Variants in SCNN1D observed in about 807,000 individuals in gnomAD.
The protein encoded by SCNN1D is epithelial sodium channel subunit delta.
Under a neutral mutation model 87.8 loss-of-function variants are expected in SCNN1D, and 104 were observed. The observed-to-expected ratio is 1.18, with a 90% confidence interval of 1.01 to 1.39. The LOEUF (loss-of-function observed/expected upper bound fraction) is 1.39, where lower values mean the gene tolerates loss of function less well. Ranked by LOEUF, SCNN1D falls within the 40% of genes most tolerant of loss-of-function variation. SCNN1D has a pLI of 0.00. For synonymous variants in SCNN1D, 628 were observed against 481.2 expected, an observed-to-expected ratio of 1.31 and a Z score of -3.99; for missense variants, 1,324 against 1,093.9, an observed-to-expected ratio of 1.21 and a Z score of -2.97.
At chr1:1,291,171 C>CGGG in intron 17 of SCNN1D, 31 bp downstream of exon 17, 1 of 1,603,214 alleles carries the variant, frequency 6.2e-7, no homozygotes, top group African/African-American at 1.3e-5. Context: ...TGGGCTAGAG[C>CGGG]GGGGGCAGCG....
rs765236595 is a variant in SCNN1D, at chr1:1,290,560, G to C, written c.1859+5G>C. The stretch of plus-strand genomic sequence containing the variant: ...CCGCTGCCCCAGGCCCTGCAGGTGA[G>C]ACGGGGGTGTTGGGGTCGCGGCCAG... On this transcript the variant is annotated splice_donor_5th_base_variant and intron_variant, in intron 14 of 17. Coordinates refer to ENST00000379116, the MANE Select transcript of SCNN1D (RefSeq NM_001130413.4). 1.9e-5 allele frequency: 30 copies of C among 1,612,504 alleles called. No individual in the cohort carries two copies. The highest frequency in any genetic ancestry group is 3.3e-4 in the Middle Eastern group (2 of 6,084).
In SCNN1D at chr1:1,287,852, C is replaced by T. The variant is rs958580205; in HGVS notation, c.1563+16C>T. 3.3e-6 allele frequency: 5 copies of T among 1,525,486 alleles called. No homozygotes were observed. The highest frequency in any genetic ancestry group is 2.7e-6 in the Non-Finnish European group (3 of 1,130,102). The allele number at this position is 1,525,486 out of a possible 1,614,324, so 94.5% of individuals were successfully genotyped here. On this transcript the variant is annotated intron_variant, in intron 11 of 17. Transcript: ENST00000379116. ...CATCCGAGAGGTGAGCTGGCCTCTG[C>T]AGCCAACCTCCGGCCCAGGCCTCCT... is the stretch of plus-strand genomic sequence containing the variant.
chr1:1,291,970 C>T lies in SCNN1D; in HGVS notation c.*360C>T. On this transcript the variant is annotated 3_prime_UTR_variant, in exon 18 of 18. Coordinates refer to ENST00000379116, the MANE Select transcript of SCNN1D (RefSeq NM_001130413.4). ...ACCTCAGCTGCAGGGAGGCAGAAGG[C>T]AAGGCAGGCCCCACGGACACACTTG... is the stretch of plus-strand genomic sequence containing the variant. 1 of 196,626 alleles carries T rather than the reference C, an allele frequency of 5.1e-6. No individual in the cohort carries two copies. Among genetic ancestry groups the T allele is most frequent in the Non-Finnish European group, 1.0e-5 (1 of 96,328 alleles). 12.2% of individuals were successfully genotyped at this position (196,626 alleles called of 1,614,324 possible).
At position 1,291,670 on chromosome 1, in the gene SCNN1D, A is replaced by C. The variant is rs1384737120; in HGVS notation, c.*60A>C. On this transcript the variant is annotated 3_prime_UTR_variant, in exon 18 of 18. Coordinates refer to ENST00000379116, the MANE Select transcript of SCNN1D (RefSeq NM_001130413.4). ...TGGTCCTTGCAGCTGTGGCAGCAGC[A>C]GGCTCCCCAGCGGCCCAGGGTGGGC... 37 of 1,342,672 alleles carry C rather than the reference A, an allele frequency of 2.8e-5. No homozygotes were observed. The highest frequency in any genetic ancestry group is 2.6e-5 in the Non-Finnish European group (26 of 997,466). 83.2% of individuals were successfully genotyped at this position (1,342,672 alleles called of 1,614,324 possible).
chr1:1,291,033 G>T (rs1640794586), intron 16 of SCNN1D, 32 bp from the exon 17 acceptor site: 1 of 1,606,610 alleles, frequency 6.2e-7, no homozygotes, highest in East Asian at 2.2e-5. Context: ...GAAGGTCTGG[G>T]CCAGCGCCCT....
chr1:1,286,293 T>A lies in SCNN1D; in HGVS notation c.911+15T>A. 1 of 1,548,398 alleles carries A rather than the reference T, an allele frequency of 6.5e-7. No individual in the cohort carries two copies. The highest frequency in any genetic ancestry group is 1.7e-4 in the Middle Eastern group (1 of 5,918). On this transcript the variant is annotated intron_variant, in intron 7 of 17. Transcript: ENST00000379116. ...AACCCACGTCGGTGAGGGCCAGGGC[T>A]GTCGGCGGGAGGGGTGGCCGCCCCA...
rs766384032 is a variant in SCNN1D at position 1,284,049 on chromosome 1, G to C, written c.423G>C (p.Thr141=). The change falls in exon 5 of 18, where the codon ACG becomes ACC. Residue 141 remains threonine (T), a synonymous_variant. Coordinates refer to ENST00000379116, the MANE Select transcript of SCNN1D (RefSeq NM_001130413.4). ...PPQWLSTEAW[T]GEWKQPHGGA... ...AATGGCTGAGCACCGAAGCATGGAC[G>C]GGAGAATGGAAGCAGCCACACGGGG... The C allele has an allele frequency of 4.5e-6, 6 of 1,340,024 alleles. No individual in the cohort carries two copies. Among genetic ancestry groups the C allele is most frequent in the South Asian group, 3.4e-5 (2 of 59,640 alleles). The allele number at this position is 1,340,024 out of a possible 1,614,324, so 83.0% of individuals were successfully genotyped here. A position where few individuals can be genotyped will look rare whatever the true frequency, so the allele number is the denominator to read the frequency against.
rs1466066682 is a variant in SCNN1D, at chr1:1,285,656, C to G, written c.550C>G (p.Gln184Glu). The G allele has an allele frequency of 1.3e-6, 2 of 1,544,244 alleles. No homozygotes were observed. The highest frequency in any genetic ancestry group is 2.4e-5 in the East Asian group (1 of 40,858). ...RPTQHNAACK[Q>E]GQAAAQTPPR... ...CACTCAGCACAACGCTGCCTGCAAACAGGGCCAGGTAGGGCCTGAGCACCC... is the reference window on the plus strand; with the variant it reads ...CACTCAGCACAACGCTGCCTGCAAAGAGGGCCAGGTAGGGCCTGAGCACCC... Residue 184 changes from glutamine (Q) to glutamate (E), a missense_variant, in exon 6 of 18, where the codon CAG becomes GAG. Physicochemically the swap from Gln to Glu is conservative, Grantham distance 29. Transcript: ENST00000379116.
At position 1,291,913 on chromosome 1, in the gene SCNN1D, G is replaced by T; in HGVS notation, c.*303G>T. On this transcript the variant is annotated 3_prime_UTR_variant, in exon 18 of 18. Coordinates refer to ENST00000379116, the MANE Select transcript of SCNN1D (RefSeq NM_001130413.4). ...TCTGTGTCTGCATGTCCACACGTCT[G>T]ATGCACCTGTGTACGTGTGTCAAGC... The T allele has an allele frequency of 6.7e-6, 2 of 297,566 alleles. No individual in the cohort carries two copies. Among genetic ancestry groups the T allele is most frequent in the South Asian group, 1.2e-4 (1 of 8,452 alleles). 18.4% of individuals were successfully genotyped at this position (297,566 alleles called of 1,614,324 possible).
intron 12 of SCNN1D, among the ~76,000 whole-genome samples, 143 bp from the exon 13 acceptor site, chr1:1,290,113 TGTCTCTGCTCCGTCC>T (rs1640740962): frequency 7.7e-6 from 1 of 129,998 alleles, no homozygotes. Context: ...CTCCGTCCCG[TGTCTCTGCTCCGTCC>T]CCCGTGTCTC....
chr1:1,290,193 TGCTCCGTCCCGTGTCTCTGCCCCGTCCCC>T, intron 12 of SCNN1D, 49 bp from the exon 13 acceptor site: 1 of 950,116 alleles, frequency 1.1e-6, no homozygotes, highest in Non-Finnish European at 1.6e-6. Flanking sequence ...CCCGTGTCCC[TGCTCCGTCCCGTGTCTCTGCCCCGTCCCC>T]CATGTCTCCG....
In SCNN1D at chr1:1,291,799, A is replaced by G. The variant is rs965998394; in HGVS notation, c.*189A>G. ...ACCTACACTGCCTGGGGTGGGTCTC[A>G]AGGAGGCCCGGGGCGGAGGGGGGTT... On this transcript the variant is annotated 3_prime_UTR_variant, in exon 18 of 18. Transcript: ENST00000379116. 8 of 475,956 alleles carry G rather than the reference A, an allele frequency of 1.7e-5. No homozygotes were observed. The East Asian group carries it at 2.6e-4, about 15-fold the overall frequency. The allele number at this position is 475,956 out of a possible 1,614,324, so 29.5% of individuals were successfully genotyped here.
chr1:1,286,047 TCTG>T lies in SCNN1D; in HGVS notation c.682_684del (p.Cys228del), dbSNP rs1376391633. 1.3e-6 allele frequency: 2 copies of T among 1,584,034 alleles called. No homozygotes were observed. Among genetic ancestry groups the T allele is most frequent in the East Asian group, 4.6e-5 (2 of 43,428 alleles). On this transcript the variant is annotated inframe_deletion, in exon 7 of 18. Coordinates refer to ENST00000379116, the MANE Select transcript of SCNN1D (RefSeq NM_001130413.4). ...TCGTTCCGGGAGCTGCTCACCTTCT[TCTG>T]CACCAATGCCACCATCCACGGCGCC...
chr1:1,282,441 C>G, intron 4 of SCNN1D, 126 bp downstream of exon 4: 1 of 1,123,168 alleles, frequency 8.9e-7, no homozygotes, highest in African/African-American at 1.6e-5. Context: ...AGAGCCTACC[C>G]TTCCAACCTG....
At position 1,288,005 on chromosome 1, in the gene SCNN1D, G is replaced by C. The variant is rs2228579; in HGVS notation, c.1630G>C (p.Glu544Gln). The change falls in exon 12 of 18, where the codon GAG becomes CAG. Residue 544 changes from glutamate (E) to glutamine (Q), a missense_variant. Transcript: ENST00000379116. The part of the protein sequence containing the change: ...CTAGGEGVEV[E>Q]LLHNTSYTRQ... ...CGCCGGCGGGGAAGGCGTGGAGGTG[G>C]AGCTGCTACACAACACCTCCTACAC... 118,220 of 1,545,850 alleles carry C rather than the reference G, an allele frequency of 0.076. 19,562 individuals carry two copies. The highest frequency in any genetic ancestry group is 0.6 in the East Asian group (24,465 of 40,714).
At chr1:1,282,436 C>T (rs1640488354) in intron 4 of SCNN1D, 121 bp downstream of exon 4, 5 of 1,178,562 alleles carry the variant, frequency 4.2e-6, no homozygotes, top group Non-Finnish European at 5.9e-6. Flanking sequence ...AACACAGAGC[C>T]TACCCTTCCA....
rs763576856 is a variant in SCNN1D at position 1,286,027 on chromosome 1, C to T, written c.660C>T (p.Phe220=). ...GGCTGGTGGAGCTGCCCGCCTCGTTCCGGGAGCTGCTCACCTTCTTCTGCA... is the reference window on the plus strand; with the variant it reads ...GGCTGGTGGAGCTGCCCGCCTCGTTTCGGGAGCTGCTCACCTTCTTCTGCA... The part of the protein sequence containing the change: ...QEGLVELPAS[F]RELLTFFCTN... Residue 220 remains phenylalanine (F), a synonymous_variant, in exon 7 of 18, where the codon TTC becomes TTT. Coordinates refer to ENST00000379116, the MANE Select transcript of SCNN1D (RefSeq NM_001130413.4). 15 of 1,568,900 alleles carry T rather than the reference C, an allele frequency of 9.6e-6. No homozygotes were observed. Among genetic ancestry groups the T allele is most frequent in the Non-Finnish European group, 1.3e-5 (15 of 1,157,002 alleles).
Position 1,291,382 on chromosome 1 carries a change from CCGGCT to C in SCNN1D, c.2183_2187del (p.Arg728ProfsTer36). The C allele has an allele frequency of 1.2e-6, 2 of 1,608,782 alleles. No individual in the cohort carries two copies. Among genetic ancestry groups the C allele is most frequent in the Non-Finnish European group, 1.7e-6 (2 of 1,178,652 alleles). On this transcript the variant is annotated frameshift_variant, in exon 18 of 18. Transcript: ENST00000379116. LOFTEE classifies it low-confidence loss of function (END_TRUNC). ...CCCTCACCCTGGTGCTAGGCGGCCG[CCGGCT>C]CCGCAGGGCGTGGTTCTCCTGGCCC...
In SCNN1D at chr1:1,280,574, CAGAG is replaced by C. The variant is rs1557578050; in HGVS notation, c.-84_-81del. On this transcript the variant is annotated 5_prime_UTR_variant, in exon 1 of 18. The change creates a premature stop within an existing upstream ORF in the 5' untranslated region. Transcript: ENST00000379116. ...GATGAAGCCACCAGGTCACAAGCCT[CAGAG>C]AGAATCAACTATAAATGCTTCTCAT... The C allele has an allele frequency of 2.9e-6, 2 of 678,624 alleles. No homozygotes were observed. The highest frequency in any genetic ancestry group is 5.5e-5 in the East Asian group (2 of 36,602). 42.0% of individuals were successfully genotyped at this position (678,624 alleles called of 1,614,324 possible).
Sources: allele counts gnomAD v4.1 joint callset (sites outside exome capture counted in the v4.1 genomes callset), GRCh38; gene constraint gnomAD v4.1.1; transcripts MANE v1.5; gene names NCBI Gene and HGNC (gene_info 2026-07-23, HGNC 2026-07-21).